The following SYT9 variants were observed in gnomAD, a reference collection of about 807,000 sequenced individuals.
SYT9 encodes the protein synaptotagmin-9.
SYT9 carries 22 observed loss-of-function variants against 48.4 expected under a neutral mutation model. The ratio of observed to expected loss-of-function variants is 0.45; its 90% CI spans 0.32 to 0.65. The LOEUF (loss-of-function observed/expected upper bound fraction) is 0.65, where lower values mean the gene tolerates loss of function less well. SYT9 is among the 30% of genes least tolerant of loss of function. The pLI is 0.03. For synonymous variants in SYT9, 265 were observed against 245.0 expected (o/e 1.08, Z -0.76); for missense variants, 577 against 622.0 (o/e 0.93, Z 0.77).
At chr11:7,280,673 G>T (rs1426665758) in intron 1 of SYT9, among the ~76,000 whole-genome samples, 1 of 152,174 alleles carries the variant, frequency 6.6e-6, no homozygotes, top group East Asian at 1.9e-4. Flanking sequence ...ATAAGATATT[G>T]CTGACCGTGG....
chr11:7,398,555 A>G (rs1589997656), intron 3 of SYT9, among the ~76,000 whole-genome samples: 2 of 151,788 alleles, frequency 1.3e-5, no homozygotes, highest in Non-Finnish European at 1.5e-5. Context: ...GACTACAGGC[A>G]CCTGCCACCA....
intron 1 of SYT9, among the ~76,000 whole-genome samples, chr11:7,290,593 T>A (rs1848682098): frequency 6.6e-6 from 1 of 152,214 alleles, no homozygotes; most frequent in Admixed American, 6.5e-5. Flanking sequence ...CTTTGCCAAT[T>A]CTTTTTCCTA....
intron 6 of SYT9, among the ~76,000 whole-genome samples, chr11:7,466,281 C>G (rs1848332972): frequency 6.6e-6 from 1 of 152,210 alleles, no homozygotes; most frequent in Non-Finnish European, 1.5e-5. Context: ...TTCTCCCTTC[C>G]CATTGCCCCT....
rs111787558 is a variant in SYT9, at chr11:7,412,428, A to T, written c.1045-3614A>T. 3.9e-3 allele frequency among the ~76,000 whole-genome samples: 601 copies of T among 152,320 alleles called. 5 individuals are homozygous for T. Among genetic ancestry groups the T allele is most frequent in the African/African-American group, 0.014 (565 of 41,560 alleles). On this transcript the variant is annotated intron_variant, in intron 3 of 6. Coordinates refer to ENST00000318881, the MANE Select transcript of SYT9 (RefSeq NM_175733.4). ...ATGCAAGCAATAGCGTAGTTTCTGT[A>T]TGATCTCCTTGGCTATAAATAGTAT...
intron 3 of SYT9, among the ~76,000 whole-genome samples, chr11:7,392,609 A>C (rs1036548590): frequency 6.6e-6 from 1 of 152,026 alleles, no homozygotes; most frequent in African/African-American, 2.4e-5. Context: ...TTTCATATGA[A>C]TTTTAGAATA....
intron 3 of SYT9, among the ~76,000 whole-genome samples, chr11:7,332,227 A>G (rs2133979406): frequency 6.6e-6 from 1 of 152,278 alleles, no homozygotes; most frequent in Middle Eastern, 3.4e-3. Context: ...AGCACCACTG[A>G]GGTATCCCAC....
intron 3 of SYT9, among the ~76,000 whole-genome samples, chr11:7,379,988 C>T (rs917561667): frequency 6.6e-5 from 10 of 152,130 alleles, no homozygotes; most frequent in African/African-American, 2.4e-4. Context: ...GATATCTGCA[C>T]TCTTATGTTT....
intron 3 of SYT9, among the ~76,000 whole-genome samples, chr11:7,383,640 T>A (rs1206079911): frequency 6.6e-6 from 1 of 151,164 alleles, no homozygotes; most frequent in Non-Finnish European, 1.5e-5. Flanking sequence ...AGCTACGTCA[T>A]GTTCAGTATT....
At chr11:7,244,862 T>C (rs1847775330) in intron 1 of SYT9, among the ~76,000 whole-genome samples, 1 of 152,178 alleles carries the variant, frequency 6.6e-6, no homozygotes, top group Non-Finnish European at 1.5e-5. Context: ...CCATGGCATG[T>C]TGAGATGCTG....
chr11:7,440,447 G>A (rs1173913357), intron 6 of SYT9: 1 of 152,136 alleles, frequency 6.6e-6, no homozygotes. Flanking sequence ...TCCCAGAGGG[G>A]GTATAAGAAG....
chr11:7,351,981 G>A (rs190846244), intron 3 of SYT9, among the ~76,000 whole-genome samples: 2 of 152,288 alleles, frequency 1.3e-5, no homozygotes, highest in Admixed American at 1.3e-4. Context: ...GAGTGGGAGG[G>A]CACAGAGGGA....
Position 7,432,574 on chromosome 11 carries a change from AAAAAAAAAATATATATACATATATATAT to A in SYT9, c.1467+11941_1467+11968del, listed in dbSNP as rs1564901983. Among the ~76,000 whole-genome samples, 111 of 12,614 alleles carry A rather than the reference AAAAAAAAAATATATATACATATATATAT, an allele frequency of 8.8e-3. 2 individuals are homozygous for A. In the Middle Eastern group the frequency reaches 0.14, roughly 15 times the overall value. The allele number at this position is 12,614 out of a possible 152,430, so 8.3% of individuals were successfully genotyped here. A position where few individuals can be genotyped will look rare whatever the true frequency, so the allele number is the denominator to read the frequency against. On this transcript the variant is annotated intron_variant, in intron 6 of 6. Transcript: ENST00000318881. ...AAAAAAAAAAAAAAAAAAAAAAAAA[AAAAAAAAAATATATATACATATATATAT>A]ATATATATATATATATATATATATA...
chr11:7,275,190 A>G (rs1412083757), intron 1 of SYT9, among the ~76,000 whole-genome samples: 2 of 151,968 alleles, frequency 1.3e-5, no homozygotes, highest in Non-Finnish European at 2.9e-5. Flanking sequence ...CTAGCCAGCT[A>G]TGAACTTTGC....
At chr11:7,321,744 A>G (rs1849342364) in intron 3 of SYT9, among the ~76,000 whole-genome samples, 1 of 152,168 alleles carries the variant, frequency 6.6e-6, no homozygotes, top group African/African-American at 2.4e-5. Flanking sequence ...ACCCACTTCC[A>G]ATTACATACA....
intron 6 of SYT9, among the ~76,000 whole-genome samples, chr11:7,447,472 T>C (rs1847955398): frequency 6.6e-6 from 1 of 152,212 alleles, no homozygotes; most frequent in South Asian, 2.1e-4. Flanking sequence ...GCTCATGCTG[T>C]TCTCTTTGTC....
chr11:7,436,762 A>G (rs1477611778), intron 6 of SYT9, among the ~76,000 whole-genome samples: 1 of 152,250 alleles, frequency 6.6e-6, no homozygotes, highest in Non-Finnish European at 1.5e-5. Flanking sequence ...TCATTTAATC[A>G]AAGAGGAAGA....
chr11:7,416,189 C>T (rs12363220), intron 4 of SYT9, 27 bp downstream of exon 4: 1 of 1,613,412 alleles, frequency 6.2e-7, no homozygotes, highest in African/African-American at 1.3e-5. Context: ...TTCAGACTTC[C>T]TCATGCACTT....
intron 6 of SYT9, among the ~76,000 whole-genome samples, chr11:7,436,886 C>CAAAT (rs1222106704): frequency 6.6e-6 from 1 of 152,210 alleles, no homozygotes; most frequent in South Asian, 2.1e-4. Flanking sequence ...TGAGCTTGAG[C>CAAAT]AAATTATCTC....
chr11:7,410,105 G>T (rs972438919), intron 3 of SYT9, among the ~76,000 whole-genome samples: 3 of 152,126 alleles, frequency 2.0e-5, no homozygotes, highest in Non-Finnish European at 2.9e-5. Context: ...AATTGACCCA[G>T]TGGTCATTCA....
Sources: gnomAD v4.1 joint callset for allele counts (sites outside exome capture counted in the v4.1 genomes callset) on GRCh38, gnomAD v4.1.1 for gene constraint, MANE v1.5 for transcripts, NCBI Gene and HGNC (gene_info 2026-07-23, HGNC 2026-07-21) for gene names.